SLC3A1: variants seen among roughly 807,000 people sequenced by gnomAD.
SLC3A1 encodes the protein amino acid transporter heavy chain SLC3A1.
In SLC3A1, 78 loss-of-function variants were observed where a neutral mutation model predicts 60.3. The observed-to-expected ratio is 1.29, with a 90% CI of 1.08 to 1.56. SLC3A1 has a LOEUF of 1.56. Among genes scored for constraint, SLC3A1 ranks in the 40% most tolerant of loss-of-function variants. The pLI, the probability that SLC3A1 is intolerant of heterozygous loss-of-function variation, is 0.00. For synonymous variants in SLC3A1, 392 were observed against 307.9 expected (o/e 1.27, Z -2.86); for missense variants, 1,172 against 858.9 (o/e 1.36, Z -4.56).
chr2:44,313,728 T>C, intron 8 of SLC3A1, 107 bp from the exon 9 acceptor site: 1 of 953,538 alleles, frequency 1.0e-6, no homozygotes, highest in South Asian at 1.3e-5. Context: ...GTACAAACAC[T>C]AGCTAAGAAC....
At chr2:44,303,246 T>TTTG (rs1410315458) in intron 6 of SLC3A1, among the ~76,000 whole-genome samples, 1 of 9,642 alleles carries the variant, frequency 1.0e-4, no homozygotes, top group Non-Finnish European at 3.6e-4. Flanking sequence ...TGAGATCCAA[T>TTTG]TTTTTTTTTT....
intron 8 of SLC3A1, among the ~76,000 whole-genome samples, chr2:44,313,007 T>C (rs556084918): frequency 3.9e-5 from 6 of 152,274 alleles, no homozygotes; most frequent in African/African-American, 1.4e-4. Context: ...TTCTACCTGA[T>C]AGGCACATTA....
intron 9 of SLC3A1, chr2:44,318,951 TCAA>T (rs1415382340): frequency 6.6e-6 from 1 of 152,276 alleles, no homozygotes; most frequent in East Asian, 1.9e-4. Context: ...GAAAAAGACT[TCAA>T]CATACTTTTA....
chr2:44,306,866 C>T (rs1484016711), intron 7 of SLC3A1, among the ~76,000 whole-genome samples: 4 of 151,124 alleles, frequency 2.6e-5, no homozygotes, highest in Admixed American at 2.6e-4. Context: ...CAAAATTTAC[C>T]GTTATTAAAG....
intron 1 of SLC3A1, among the ~76,000 whole-genome samples, chr2:44,277,054 T>A (rs1671359542): frequency 6.6e-6 from 1 of 151,800 alleles, no homozygotes; most frequent in Non-Finnish European, 1.5e-5. Context: ...CTTTCTTTAA[T>A]CACTAGTAGA....
At position 44,316,885 on chromosome 2, in the gene SLC3A1, A is replaced by G. The variant is rs140038302; in HGVS notation, c.1617+2934A>G. ...TAGTCAAGGGACTATCCAACAAAACATAACAATTCTAAGAGATACAATGTA... is the reference window on the plus strand; with the variant it reads ...TAGTCAAGGGACTATCCAACAAAACGTAACAATTCTAAGAGATACAATGTA... On this transcript the variant is annotated intron_variant, in intron 9 of 9. Coordinates refer to ENST00000260649, the MANE Select transcript of SLC3A1 (RefSeq NM_000341.4). Among the ~76,000 whole-genome samples, 724 of 152,362 alleles carry G rather than the reference A, an allele frequency of 4.8e-3. 8 individuals are homozygous for G. Among genetic ancestry groups the G allele is most frequent in the African/African-American group, 0.016 (685 of 41,580 alleles).
At chr2:44,300,880 A>G in intron 5 of SLC3A1, 123 bp from the exon 6 acceptor site, 1 of 1,072,892 alleles carries the variant, frequency 9.3e-7, no homozygotes, top group Admixed American at 1.8e-5. Context: ...CCACAAAACC[A>G]TGTTTGAGTG....
chr2:44,305,783 G>A (rs1270929207), intron 7 of SLC3A1, among the ~76,000 whole-genome samples: 1 of 151,872 alleles, frequency 6.6e-6, no homozygotes, highest in Non-Finnish European at 1.5e-5. Flanking sequence ...CTTTAGTCTC[G>A]ATAATCCTCC....
chr2:44,287,932 G>C (rs912062233), intron 4 of SLC3A1, among the ~76,000 whole-genome samples: 1 of 152,000 alleles, frequency 6.6e-6, no homozygotes, highest in African/African-American at 2.4e-5. Flanking sequence ...CAGTTTAATT[G>C]ACATATAATT....
Position 44,320,848 on chromosome 2 carries a change from C to A in SLC3A1, c.*209C>A. ...AATTATGGCTTATAGGAGCTTATAA[C>A]TTTATTCAGATAGCATCAATCAGGG... On this transcript the variant is annotated 3_prime_UTR_variant, in exon 10 of 10. Coordinates refer to ENST00000260649, the MANE Select transcript of SLC3A1 (RefSeq NM_000341.4). 1 of 579,994 alleles carries A rather than the reference C, an allele frequency of 1.7e-6. No individual in the cohort carries two copies. The highest frequency in any genetic ancestry group is 3.1e-6 in the Non-Finnish European group (1 of 327,178). 35.9% of individuals were successfully genotyped at this position (579,994 alleles called of 1,614,324 possible). A position where few individuals can be genotyped will look rare whatever the true frequency, so the allele number is the denominator to read the frequency against.
chr2:44,276,273 A>G (rs1671339557), intron 1 of SLC3A1, among the ~76,000 whole-genome samples: 1 of 152,216 alleles, frequency 6.6e-6, no homozygotes, highest in Non-Finnish European at 1.5e-5. Flanking sequence ...CCTTCCTTCT[A>G]AAATCTATGT....
chr2:44,275,766 T>G lies in SLC3A1; in HGVS notation c.231T>G (p.Ser77=). 1 of 1,614,254 alleles carries G rather than the reference T, an allele frequency of 6.2e-7. No homozygotes were observed. ...CCAAGGAGGTGCTGTTCCAGTTCTC[T>G]GGCCAGGCCCGCTACCGCATACCTC... The part of the protein sequence containing the change: ...GMPKEVLFQF[S]GQARYRIPRE... The change falls in exon 1 of 10, where the codon TCT becomes TCG. Residue 77 remains serine, a synonymous_variant. Coordinates refer to ENST00000260649, the MANE Select transcript of SLC3A1 (RefSeq NM_000341.4).
chr2:44,281,691 C>T (rs1671504080), intron 3 of SLC3A1, 150 bp downstream of exon 3: 4 of 735,224 alleles, frequency 5.4e-6, no homozygotes, highest in Non-Finnish European at 9.4e-6. Context: ...ATAAGGTTTC[C>T]AGTTGTTATT....
Position 44,281,412 on chromosome 2 carries a change from A to G in SLC3A1, c.636A>G (p.Ile212Met). ...GTTTAAAATTAATCATCGATTTCATACCAAACCACACGAGTGATAAACATA... is the reference window on the plus strand; with the variant it reads ...GTTTAAAATTAATCATCGATTTCATGCCAAACCACACGAGTGATAAACATA... The part of the protein sequence containing the change: ...DKGLKLIIDF[I>M]PNHTSDKHIW... Residue 212 changes from isoleucine to methionine, a missense_variant, in exon 3 of 10, where the codon ATA becomes ATG. Transcript: ENST00000260649. 6.2e-7 allele frequency: 1 copy of G among 1,613,250 alleles called. No individual in the cohort carries two copies. The highest frequency in any genetic ancestry group is 8.5e-7 in the Non-Finnish European group (1 of 1,179,212).
At chr2:44,309,097 AGTGT>A (rs1308977940) in intron 7 of SLC3A1, among the ~76,000 whole-genome samples, 1 of 152,206 alleles carries the variant, frequency 6.6e-6, no homozygotes, top group Non-Finnish European at 1.5e-5. Context: ...AACATTCAAA[AGTGT>A]GTAATTCAAT....
rs1220898344 is a variant in SLC3A1 at position 44,321,158 on chromosome 2, A to G, written c.*519A>G. ...GATTTGAAAATTACTTTCCTAGGTT[A>G]ATGGGCATGTGCATCAATGGAGAGA... On this transcript the variant is annotated 3_prime_UTR_variant, in exon 10 of 10. Coordinates refer to ENST00000260649, the MANE Select transcript of SLC3A1 (RefSeq NM_000341.4). The G allele has an allele frequency of 1.8e-6, 1 of 564,732 alleles. No homozygotes were observed. Among genetic ancestry groups the G allele is most frequent in the African/African-American group, 1.9e-5 (1 of 52,906 alleles). 35.0% of individuals were successfully genotyped at this position (564,732 alleles called of 1,614,324 possible).
At position 44,320,916 on chromosome 2, in the gene SLC3A1, A is replaced by C. The variant is rs941794002; in HGVS notation, c.*277A>C. On this transcript the variant is annotated 3_prime_UTR_variant, in exon 10 of 10. Coordinates refer to ENST00000260649, the MANE Select transcript of SLC3A1 (RefSeq NM_000341.4). ...GGACCCCAGATTATTCAAAAACTTT[A>C]ACGAATTTTAAGGGGAAGAATTTTA... 1 of 452,366 alleles carries C rather than the reference A, an allele frequency of 2.2e-6. No individual in the cohort carries two copies. The highest frequency in any genetic ancestry group is 3.8e-5 in the Admixed American group (1 of 26,520). The allele number at this position is 452,366 out of a possible 1,614,324, so 28.0% of individuals were successfully genotyped here.
chr2:44,316,106 G>A (rs1385416307), intron 9 of SLC3A1, among the ~76,000 whole-genome samples: 1 of 152,122 alleles, frequency 6.6e-6, no homozygotes, highest in African/African-American at 2.4e-5. Context: ...CCCATTATGA[G>A]AGGCAGGCAA....
chr2:44,320,100 C>T, intron 9 of SLC3A1, 99 bp from the exon 10 acceptor site: 1 of 1,057,166 alleles, frequency 9.5e-7, no homozygotes, highest in Non-Finnish European at 1.4e-6. Context: ...AAAATTGGAG[C>T]AAGTGTTTTG....
Sources: gnomAD v4.1 joint callset for allele counts (sites outside exome capture counted in the v4.1 genomes callset) on GRCh38, gnomAD v4.1.1 for gene constraint, MANE v1.5 for transcripts, NCBI Gene and HGNC (gene_info 2026-07-23, HGNC 2026-07-21) for gene names.